Variants in DMD observed in about 807,000 individuals in gnomAD.
The protein encoded by DMD is mutant dystrophin.
DMD carries 63 observed loss-of-function variants against 330.1 expected under a neutral mutation model. The observed-to-expected ratio is 0.19, with a 90% CI of 0.16 to 0.24. DMD has a LOEUF of 0.24. Among genes scored for constraint, DMD ranks in the 10% least tolerant of loss-of-function variants. The pLI is 1.00. For missense variants in DMD, 3,344 were observed against 2,684.1 expected (o/e 1.25, Z -5.43); for synonymous variants, 1,223 against 959.8 (o/e 1.27, Z -5.07).
chrX:32,322,086 A>T (rs745818275), intron 41 of DMD, among the ~76,000 whole-genome samples: 1 of 111,198 alleles, frequency 9.0e-6, no homozygotes, highest in South Asian at 3.8e-4. Flanking sequence ...TGACATTAAT[A>T]GTGAAAAAAT....
intron 7 of DMD, among the ~76,000 whole-genome samples, chrX:32,720,084 T>C (rs190082425): frequency 1.5e-4 from 17 of 111,138 alleles, no homozygotes; most frequent in African/African-American, 5.2e-4. Context: ...ACAACATTAC[T>C]AGCATTTCTT....
chrX:32,306,092 A>G (rs1158531563), intron 42 of DMD, among the ~76,000 whole-genome samples: 1 of 106,600 alleles, frequency 9.4e-6, no homozygotes, highest in African/African-American at 3.4e-5. Flanking sequence ...AATACGCAAT[A>G]TTTACTTATC....
chrX:33,036,809 G>A (rs748371580), intron 1 of DMD, among the ~76,000 whole-genome samples: 3 of 105,858 alleles, frequency 2.8e-5, no homozygotes, highest in African/African-American at 6.8e-5. Context: ...GCATGTGTGT[G>A]TATATATATA....
intron 30 of DMD, among the ~76,000 whole-genome samples, chrX:32,397,242 G>A (rs143267188): frequency 9.0e-6 from 1 of 111,340 alleles, no homozygotes; most frequent in East Asian, 2.8e-4. Flanking sequence ...TATACATCTA[G>A]GGGGATATGG....
intron 9 of DMD, among the ~76,000 whole-genome samples, chrX:32,661,925 A>C (rs888869075): frequency 5.4e-5 from 6 of 111,750 alleles, no homozygotes; most frequent in African/African-American, 1.9e-4. Flanking sequence ...GTTGGTATAT[A>C]ATCATACCCG....
intron 29 of DMD, among the ~76,000 whole-genome samples, chrX:32,424,483 C>T (rs73467630): frequency 0.021 from 2,338 of 111,057 alleles, 65 homozygotes; most frequent in African/African-American, 0.073. Flanking sequence ...TTGTTAACTC[C>T]CAAACCTTAT....
At chrX:31,758,386 ACT>A (rs1305385578) in intron 51 of DMD, among the ~76,000 whole-genome samples, 1 of 110,841 alleles carries the variant, frequency 9.0e-6, no homozygotes, top group Admixed American at 9.7e-5. Context: ...CCTTGGGCAC[ACT>A]CTGTCGTCTG....
intron 19 of DMD, among the ~76,000 whole-genome samples, chrX:32,499,014 A>G (rs2043779041): frequency 8.9e-6 from 1 of 112,084 alleles, no homozygotes; most frequent in East Asian, 2.8e-4. Flanking sequence ...TGAATCTTCA[A>G]TGCTTCATAG....
At chrX:32,742,469 G>C (rs1267565323) in intron 7 of DMD, among the ~76,000 whole-genome samples, 1 of 111,171 alleles carries the variant, frequency 9.0e-6, no homozygotes, top group African/African-American at 3.3e-5. Flanking sequence ...ATGCCTCATA[G>C]GTAAGAGGAA....
At chrX:32,382,997 A>G (rs893271877) in intron 33 of DMD, among the ~76,000 whole-genome samples, 2 of 111,265 alleles carry the variant, frequency 1.8e-5, no homozygotes, top group African/African-American at 6.5e-5. Context: ...GAAGTTAACA[A>G]TGTATTTAAG....
chrX:32,723,278 C>A (rs2066519330), intron 7 of DMD, among the ~76,000 whole-genome samples: 1 of 110,983 alleles, frequency 9.0e-6, no homozygotes, highest in Non-Finnish European at 1.9e-5. Context: ...AGGGCTAAAC[C>A]CACCTGGTCA....
chrX:32,401,632 G>A (rs1370518989), intron 30 of DMD, among the ~76,000 whole-genome samples: 1 of 111,486 alleles, frequency 9.0e-6, no homozygotes, highest in Non-Finnish European at 1.9e-5. Flanking sequence ...GAAATAATGA[G>A]CAAGACCTAG....
chrX:32,343,517 A>T (rs1250496066), intron 39 of DMD, among the ~76,000 whole-genome samples: 3 of 112,049 alleles, frequency 2.7e-5, no homozygotes, highest in Non-Finnish European at 1.9e-5. Context: ...ATTTTCTCTT[A>T]GCATGTTCAA....
intron 51 of DMD, among the ~76,000 whole-genome samples, chrX:31,754,958 A>G (rs964960560): frequency 1.3e-4 from 15 of 112,039 alleles, no homozygotes; most frequent in Non-Finnish European, 2.4e-4. Flanking sequence ...AGCCATAAAG[A>G]TGAAAGAAGT....
In DMD at chrX:31,576,877, G is replaced by C. The variant is rs780287372; in HGVS notation, c.8217+50796C>G. Among the ~76,000 whole-genome samples the C allele has an allele frequency of 4.5e-5, 5 of 109,907 alleles. No individual in the cohort carries two copies. In the Admixed American group the frequency reaches 4.9e-4, roughly 11 times the overall value. ...ACTACAGGCGCCCACCACCACGCCC[G>C]GCTAATTTTTTGTGTTTTTAGTAGA... On this transcript the variant is annotated intron_variant, in intron 55 of 78. Coordinates refer to ENST00000357033, the MANE Select transcript of DMD (RefSeq NM_004006.3).
intron 51 of DMD, among the ~76,000 whole-genome samples, chrX:31,763,275 T>C (rs985989070): frequency 3.6e-5 from 4 of 112,319 alleles, no homozygotes; most frequent in Admixed American, 1.9e-4. Context: ...GACCAATACA[T>C]ATTGGCAGCC....
At chrX:32,752,097 C>T (rs763052950) in intron 7 of DMD, among the ~76,000 whole-genome samples, 14 of 112,280 alleles carry the variant, frequency 1.2e-4, no homozygotes, top group Admixed American at 7.5e-4. Context: ...TTAGAGCCCT[C>T]ACACAGAGAC....
chrX:32,244,281 G>C (rs1258085140), intron 43 of DMD, among the ~76,000 whole-genome samples: 4 of 104,464 alleles, frequency 3.8e-5, no homozygotes, highest in African/African-American at 1.4e-4. Flanking sequence ...CCCTACAAAG[G>C]ACATGAACTC....
intron 43 of DMD, among the ~76,000 whole-genome samples, chrX:32,253,627 T>C (rs968169129): frequency 8.0e-5 from 4 of 49,736 alleles, no homozygotes; most frequent in Admixed American, 5.3e-4. Context: ...GATTTAATCT[T>C]TTTTTTTTTT....
Sources: allele counts gnomAD v4.1 joint callset (sites outside exome capture counted in the v4.1 genomes callset), GRCh38; gene constraint gnomAD v4.1.1; transcripts MANE v1.5; gene names NCBI Gene and HGNC (gene_info 2026-07-23, HGNC 2026-07-21).